Variants in GPR137C observed in about 807,000 individuals in gnomAD.
GPR137C encodes the protein integral membrane protein GPR137C.
Under a neutral mutation model 43.4 loss-of-function variants are expected in GPR137C, and 27 were observed. The ratio of observed to expected loss-of-function variants is 0.62; its 90% confidence interval spans 0.46 to 0.86. GPR137C has a LOEUF of 0.86. GPR137C is among the 40% of genes least tolerant of loss of function. The probability of loss-of-function intolerance (pLI) is 0.00; values close to 1 mark genes in which losing one functional copy is unlikely to be tolerated. For missense variants in GPR137C, 522 were observed against 534.6 expected (o/e 0.98, Z 0.23); for synonymous variants, 285 against 226.9 (o/e 1.26, Z -2.30).
chr14:52,558,280 G>C, intron 1 of GPR137C, among the ~76,000 whole-genome samples: 1 of 152,016 alleles, frequency 6.6e-6, no homozygotes. Context: ...TCTTATAAAA[G>C]ACTTCATCCC....
At position 52,631,255 on chromosome 14, in the gene GPR137C, C is replaced by T. The variant is rs192703557; in HGVS notation, c.718-905C>T. On this transcript the variant is annotated intron_variant, in intron 3 of 6. Coordinates refer to ENST00000321662, the MANE Select transcript of GPR137C (RefSeq NM_001099652.2). ...GTTATCAAGGCCAGAGGACAGTTAG[C>T]TTAGGTGGAGGATTCTCCTGTGACT... Among the ~76,000 whole-genome samples, 21 of 152,240 alleles carry T rather than the reference C, an allele frequency of 1.4e-4. 1 individual carries two copies. The highest frequency in any genetic ancestry group is 1.4e-3 in the Admixed American group (21 of 15,270).
At chr14:52,566,735 C>T (rs1389586963) in intron 1 of GPR137C, among the ~76,000 whole-genome samples, 1 of 152,208 alleles carries the variant, frequency 6.6e-6, no homozygotes, top group African/African-American at 2.4e-5. Flanking sequence ...TAGAATCAGT[C>T]ATGGTTAAAG....
intron 1 of GPR137C, among the ~76,000 whole-genome samples, chr14:52,586,259 C>T (rs2038712457): frequency 6.6e-6 from 1 of 152,166 alleles, no homozygotes; most frequent in Non-Finnish European, 1.5e-5. Flanking sequence ...CCAGACCATG[C>T]AAAAACATGA....
At chr14:52,601,843 T>C (rs1480248077) in intron 3 of GPR137C, among the ~76,000 whole-genome samples, 1 of 151,950 alleles carries the variant, frequency 6.6e-6, no homozygotes, top group African/African-American at 2.4e-5. Flanking sequence ...TTTGGTTTTT[T>C]ACTCGCTTTG....
chr14:52,552,955 G>C lies in GPR137C; in HGVS notation c.-193G>C, dbSNP rs1455461058. Among the ~76,000 whole-genome samples, 1 of 151,654 alleles carries C rather than the reference G, an allele frequency of 6.6e-6. No individual in the cohort carries two copies. Among genetic ancestry groups the C allele is most frequent in the African/African-American group, 2.4e-5 (1 of 41,292 alleles). ...GAGGAGCCGAGACCCCCGGGGGGTG[G>C]GGGGAAAGAGGAGGCGGGGTCCGGG... On this transcript the variant is annotated 5_prime_UTR_variant, in exon 1 of 7. Transcript: ENST00000321662.
chr14:52,582,237 C>T (rs554963376), intron 1 of GPR137C, among the ~76,000 whole-genome samples: 1 of 152,108 alleles, frequency 6.6e-6, no homozygotes, highest in Non-Finnish European at 1.5e-5. Flanking sequence ...TATAAGGATA[C>T]TAATCTCATT....
chr14:52,589,172 G>A (rs1247813266), intron 1 of GPR137C, among the ~76,000 whole-genome samples: 1 of 152,162 alleles, frequency 6.6e-6, no homozygotes, highest in Non-Finnish European at 1.5e-5. Flanking sequence ...GGTACATATA[G>A]TAGTTAAATT....
chr14:52,580,470 T>C (rs190882090), intron 1 of GPR137C, among the ~76,000 whole-genome samples: 11 of 152,302 alleles, frequency 7.2e-5, no homozygotes, highest in Non-Finnish European at 1.6e-4. Flanking sequence ...CAAGCAGTTC[T>C]CCTGCCTCAG....
At chr14:52,562,757 A>G (rs549693067) in intron 1 of GPR137C, among the ~76,000 whole-genome samples, 3 of 152,370 alleles carry the variant, frequency 2.0e-5, no homozygotes, top group African/African-American at 7.2e-5. Context: ...CTAGGTTAGC[A>G]TGTAGAACTA....
intron 3 of GPR137C, among the ~76,000 whole-genome samples, chr14:52,600,907 T>C (rs1007222149): frequency 6.6e-6 from 1 of 152,158 alleles, no homozygotes; most frequent in African/African-American, 2.4e-5. Flanking sequence ...GTAAAAGTGG[T>C]TTTTATTTGT....
chr14:52,585,983 A>C (rs1485738620), intron 1 of GPR137C, among the ~76,000 whole-genome samples: 1 of 152,192 alleles, frequency 6.6e-6, no homozygotes, highest in African/African-American at 2.4e-5. Flanking sequence ...CTGTGAGAGG[A>C]TGTTACCTGC....
chr14:52,610,605 G>A (rs2039028412), intron 3 of GPR137C, among the ~76,000 whole-genome samples: 1 of 152,162 alleles, frequency 6.6e-6, no homozygotes, highest in African/African-American at 2.4e-5. Flanking sequence ...TACATATCGG[G>A]TTTGGTACTA....
chr14:52,587,295 G>C (rs1437170467), intron 1 of GPR137C, among the ~76,000 whole-genome samples: 1 of 152,144 alleles, frequency 6.6e-6, no homozygotes, highest in Non-Finnish European at 1.5e-5. Flanking sequence ...AGGATAAAAA[G>C]AGTTTTCTCT....
intron 1 of GPR137C, among the ~76,000 whole-genome samples, chr14:52,554,084 G>T (rs1309929772): frequency 6.6e-6 from 1 of 152,200 alleles, no homozygotes; most frequent in Non-Finnish European, 1.5e-5. Context: ...TTTATTAGAA[G>T]CTTATATTCC....
intron 3 of GPR137C, among the ~76,000 whole-genome samples, chr14:52,609,944 T>C (rs900643853): frequency 6.6e-6 from 1 of 152,218 alleles, no homozygotes; most frequent in African/African-American, 2.4e-5. Flanking sequence ...CTAGCCACAT[T>C]GGCTTTTTGT....
At chr14:52,577,812 A>C (rs2038585298) in intron 1 of GPR137C, among the ~76,000 whole-genome samples, 1 of 151,184 alleles carries the variant, frequency 6.6e-6, no homozygotes, top group Non-Finnish European at 1.5e-5. Flanking sequence ...AAAAAAAAAA[A>C]AAAAATTAGC....
At chr14:52,614,274 C>T (rs1004019252) in intron 3 of GPR137C, among the ~76,000 whole-genome samples, 1 of 151,846 alleles carries the variant, frequency 6.6e-6, no homozygotes, top group Non-Finnish European at 1.5e-5. Flanking sequence ...GCATGCACCA[C>T]CACACCTGGC....
At chr14:52,609,281 T>C (rs945588421) in intron 3 of GPR137C, among the ~76,000 whole-genome samples, 3 of 152,234 alleles carry the variant, frequency 2.0e-5, no homozygotes, top group Non-Finnish European at 2.9e-5. Context: ...TCAATCTCTA[T>C]ATTAAATTTC....
At chr14:52,595,397 A>G (rs539293881) in intron 1 of GPR137C, among the ~76,000 whole-genome samples, 1 of 152,292 alleles carries the variant, frequency 6.6e-6, no homozygotes. Context: ...CTCCTGGATA[A>G]TATCCTGAAG....
Sources: allele counts gnomAD v4.1 joint callset (sites outside exome capture counted in the v4.1 genomes callset), GRCh38; gene constraint gnomAD v4.1.1; transcripts MANE v1.5; gene names NCBI Gene and HGNC (gene_info 2026-07-23, HGNC 2026-07-21).